Variants in SERPINB7 observed in about 807,000 individuals in gnomAD.
SERPINB7 encodes the protein serpin B7.
SERPINB7 carries 31 observed loss-of-function variants against 37.4 expected under a neutral mutation model. The ratio of observed to expected loss-of-function variants is 0.83; its 90% confidence interval spans 0.62 to 1.12. The LOEUF (loss-of-function observed/expected upper bound fraction) is 1.12, where lower values mean the gene tolerates loss of function less well. Among genes scored for constraint, SERPINB7 ranks in the 50% most tolerant of loss-of-function variants. The pLI is 0.00. For synonymous variants in SERPINB7, 163 were observed against 166.1 expected, an observed-to-expected ratio of 0.98 and a Z score of 0.14; for missense variants, 521 against 455.3, an observed-to-expected ratio of 1.14 and a Z score of -1.31.
At chr18:63,782,044 C>T (rs546763285) in intron 1 of SERPINB7, among the ~76,000 whole-genome samples, 3 of 152,168 alleles carry the variant, frequency 2.0e-5, no homozygotes, top group South Asian at 2.1e-4. Context: ...TGCTCTATTT[C>T]AGTTCAGAAA....
At chr18:63,781,508 G>C (rs2144610021) in intron 1 of SERPINB7, among the ~76,000 whole-genome samples, 1 of 152,202 alleles carries the variant, frequency 6.6e-6, no homozygotes, top group East Asian at 1.9e-4. Context: ...ATTCATGTAA[G>C]TTCATGTAGT....
At position 63,796,280 on chromosome 18, in the gene SERPINB7, T is replaced by C. The variant is rs1176581745; in HGVS notation, c.351T>C (p.Cys117=). ...VYGFHKDYIE[C]AEKLYDAKVE... is the part of the protein sequence containing the mutation. Reference sequence around the variant, plus strand: ...CTTCTTTATAGGACTACATTGAGTGTGCCGAAAAATTATACGATGCCAAAG... The same window carrying C: ...CTTCTTTATAGGACTACATTGAGTGCGCCGAAAAATTATACGATGCCAAAG... Residue 117 remains cysteine, a synonymous_variant, in exon 5 of 8, where the codon TGT becomes TGC. Coordinates refer to ENST00000398019, the MANE Select transcript of SERPINB7 (RefSeq NM_003784.4). 6.2e-7 allele frequency: 1 copy of C among 1,607,474 alleles called. No homozygotes were observed. The highest frequency in any genetic ancestry group is 1.3e-5 in the African/African-American group (1 of 74,794).
Position 63,798,584 on chromosome 18 carries a change from C to G in SERPINB7, c.455-20C>G. 1 of 1,508,950 alleles carries G rather than the reference C, an allele frequency of 6.6e-7. No individual in the cohort carries two copies. The highest frequency in any genetic ancestry group is 8.8e-7 in the Non-Finnish European group (1 of 1,134,582). 93.5% of individuals were successfully genotyped at this position (1,508,950 alleles called of 1,614,324 possible). A position where few individuals can be genotyped will look rare whatever the true frequency, so the allele number is the denominator to read the frequency against. On this transcript the variant is annotated intron_variant, in intron 5 of 7. Coordinates refer to ENST00000398019, the MANE Select transcript of SERPINB7 (RefSeq NM_003784.4). ...ATTATATTAAAATAAACATTTTTCC[C>G]TCAATTTTTTTTTCAAAAGGCAAAA...
intron 1 of SERPINB7, among the ~76,000 whole-genome samples, chr18:63,781,857 GA>G (rs112897618): frequency 2.6e-5 from 4 of 151,544 alleles, no homozygotes; most frequent in Non-Finnish European, 5.9e-5. Context: ...GGACAGTTTT[GA>G]AAAAAAATAG....
intron 1 of SERPINB7, among the ~76,000 whole-genome samples, chr18:63,765,247 A>T (rs907686181): frequency 6.6e-6 from 1 of 152,146 alleles, no homozygotes; most frequent in Non-Finnish European, 1.5e-5. Context: ...ATAAGTCCAG[A>T]TGTTATCTTG....
intron 1 of SERPINB7, among the ~76,000 whole-genome samples, chr18:63,761,787 A>T (rs185721157): frequency 8.5e-5 from 13 of 152,278 alleles, no homozygotes; most frequent in African/African-American, 3.1e-4. Flanking sequence ...ACCTCCTGCC[A>T]TGATTATGAG....
rs1439752736 is a variant in SERPINB7, at chr18:63,754,917, G to C, written c.-19+1797G>C. Among the ~76,000 whole-genome samples, 3 of 115,010 alleles carry C rather than the reference G, an allele frequency of 2.6e-5. No individual in the cohort carries two copies. In the South Asian group the frequency reaches 8.4e-4, roughly 32 times the overall value. The allele number at this position is 115,010 out of a possible 152,430, so 75.5% of individuals were successfully genotyped here. A position where few individuals can be genotyped will look rare whatever the true frequency, so the allele number is the denominator to read the frequency against. Reference sequence around the variant, plus strand: ...TTTTTTTTTTTTTTTTTTTGAGACGGAGTCTCGCTCTGTCGCCCAGGCCGG... The same window carrying C: ...TTTTTTTTTTTTTTTTTTTGAGACGCAGTCTCGCTCTGTCGCCCAGGCCGG... On this transcript the variant is annotated intron_variant, in intron 1 of 7. Coordinates refer to the SERPINB7 transcript ENST00000336429.
chr18:63,781,780 A>T (rs2049303017), intron 1 of SERPINB7, among the ~76,000 whole-genome samples: 1 of 152,246 alleles, frequency 6.6e-6, no homozygotes, highest in Admixed American at 6.5e-5. Flanking sequence ...ATTCCAAAAA[A>T]ATCAGAAAAT....
At chr18:63,762,858 A>G (rs1266706620) in intron 1 of SERPINB7, among the ~76,000 whole-genome samples, 2 of 152,224 alleles carry the variant, frequency 1.3e-5, no homozygotes, top group Non-Finnish European at 2.9e-5. Context: ...TGATCATAAA[A>G]CAGGAGTTAT....
intron 1 of SERPINB7, among the ~76,000 whole-genome samples, chr18:63,756,804 T>TGTGTGTGTGTGTG (rs2049124615): frequency 1.5e-5 from 2 of 137,346 alleles, no homozygotes; most frequent in African/African-American, 5.4e-5. Context: ...TTGGGGTAGC[T>TGTGTGTGTGTGTG]TGTGTGTGTG....
At chr18:63,779,062 T>A (rs1304606554) in intron 1 of SERPINB7, among the ~76,000 whole-genome samples, 1 of 152,178 alleles carries the variant, frequency 6.6e-6, no homozygotes, top group African/African-American at 2.4e-5. Context: ...AATGAAATAC[T>A]GGGTGGTGTC....
intron 1 of SERPINB7, among the ~76,000 whole-genome samples, chr18:63,766,914 C>CT (rs1273480519): frequency 1.3e-5 from 2 of 152,116 alleles, no homozygotes; most frequent in African/African-American, 2.4e-5. Context: ...TGAAGTGATT[C>CT]TTTTTTCTAC....
intron 2 of SERPINB7, among the ~76,000 whole-genome samples, chr18:63,791,227 T>C (rs1720841): frequency 0.17 from 26,599 of 152,132 alleles, 3,693 homozygotes; most frequent in East Asian, 0.5. Context: ...CACCATGGCA[T>C]GTGTATACCT....
chr18:63,763,995 T>C (rs1506413), intron 1 of SERPINB7, among the ~76,000 whole-genome samples: 3,116 of 152,290 alleles, frequency 0.02, 37 homozygotes, highest in Middle Eastern at 0.027. Flanking sequence ...TGCATTACAA[T>C]ACAATTGTAT....
At chr18:63,787,438 C>T (rs994818434) in intron 2 of SERPINB7, among the ~76,000 whole-genome samples, 5 of 151,934 alleles carry the variant, frequency 3.3e-5, no homozygotes, top group Admixed American at 3.3e-4. Flanking sequence ...GATCAAAGAA[C>T]GATGTTAAAT....
Position 63,756,878 on chromosome 18 carries a change from C to T in SERPINB7, c.-19+3758C>T, listed in dbSNP as rs1025038514. 3.3e-5 allele frequency among the ~76,000 whole-genome samples: 5 copies of T among 149,614 alleles called. No homozygotes were observed. In the Admixed American group the frequency reaches 3.3e-4, roughly 10 times the overall value. ...GTAGAAATAAAGAAACTTATAAAGA[C>T]TCTAATTTCTTTGTAGTTGGCAATA... On this transcript the variant is annotated intron_variant, in intron 1 of 7. Coordinates refer to the SERPINB7 transcript ENST00000336429.
At chr18:63,771,835 C>T (rs1181202296), upstream of SERPINB7, among the ~76,000 whole-genome samples, 1 of 151,638 alleles carries the variant, frequency 6.6e-6, no homozygotes, top group Non-Finnish European at 1.5e-5. Flanking sequence ...ATATTGTCTT[C>T]TGACTTCTAA....
chr18:63,772,716 A>T (rs2049218165), upstream of SERPINB7, among the ~76,000 whole-genome samples: 2 of 152,128 alleles, frequency 1.3e-5, no homozygotes, highest in African/African-American at 4.8e-5. Context: ...TAAAAGGTTT[A>T]ACTAGAAAAG....
At chr18:63,756,392 T>G (rs1362582584) in intron 1 of SERPINB7, among the ~76,000 whole-genome samples, 2 of 152,192 alleles carry the variant, frequency 1.3e-5, no homozygotes, top group Admixed American at 1.3e-4. Context: ...ACAGAGTAAC[T>G]TGTCTTTCTG....
Sources: gnomAD v4.1 joint callset for allele counts (sites outside exome capture counted in the v4.1 genomes callset) on GRCh38, gnomAD v4.1.1 for gene constraint, MANE v1.5 for transcripts, NCBI Gene and HGNC (gene_info 2026-07-23, HGNC 2026-07-21) for gene names.